BCAN: variants seen among roughly 807,000 people sequenced by gnomAD.
The protein encoded by BCAN is brevican.
BCAN carries 51 observed loss-of-function variants against 92.4 expected under a neutral mutation model. The observed-to-expected ratio is 0.55, with a 90% CI of 0.44 to 0.70. The LOEUF (loss-of-function observed/expected upper bound fraction) is 0.70, where lower values mean the gene tolerates loss of function less well. Among genes scored for constraint, BCAN ranks in the 30% least tolerant of loss-of-function variants. BCAN has a pLI of 0.00. For synonymous variants in BCAN, 501 were observed against 505.2 expected, an observed-to-expected ratio of 0.99 and a Z score of 0.11; for missense variants, 1,140 against 1,212.1, an observed-to-expected ratio of 0.94 and a Z score of 0.88.
intron 9 of BCAN, 70 bp from the exon 10 acceptor site, chr1:156,656,868 C>G (rs1319631903): frequency 6.4e-7 from 1 of 1,568,704 alleles, no homozygotes; most frequent in African/African-American, 1.4e-5. Flanking sequence ...TGGAAGGAGA[C>G]CAGCCCCTTC....
At chr1:156,649,768 G>A in intron 6 of BCAN, 1 of 432,086 alleles carries the variant, frequency 2.3e-6, no homozygotes, top group Non-Finnish European at 4.6e-6. Flanking sequence ...GATGCAAAAG[G>A]CCCAGGCCAA....
rs151184855 is a variant in BCAN, at chr1:156,652,703, A to G, written c.1753A>G (p.Thr585Ala). The G allele has an allele frequency of 9.7e-5, 156 of 1,606,688 alleles. No individual in the cohort carries two copies. The Middle Eastern group carries it at 1.5e-3, about 15-fold the overall frequency. The stretch of plus-strand genomic sequence containing the variant: ...GGTCCCTCGAGGAGAGAGCGAGGAG[A>G]CAGGAAGCTCCGAGGGTGCCCCTTC... Reference protein sequence around the residue: ...SGVPRGESEETGSSEGAPSLL... With the variant: ...SGVPRGESEEAGSSEGAPSLL... The change falls in exon 8 of 14, where the codon ACA becomes GCA. Residue 585 changes from threonine (T) to alanine (A), a missense_variant. By Grantham distance (58) the Thr-to-Ala change is moderately conservative. This residue lies in a region of BCAN where 825 missense variants were observed against 871.8 expected (regional missense o/e 0.95). Transcript: ENST00000329117.
intron 8 of BCAN, among the ~76,000 whole-genome samples, chr1:156,654,307 C>A (rs1447896011): frequency 6.6e-6 from 1 of 152,116 alleles, no homozygotes. Context: ...CATCCTGAGT[C>A]CCACCCAGGC....
At chr1:156,651,348 C>A in intron 6 of BCAN, 108 bp from the exon 7 acceptor site, 2 of 1,068,090 alleles carry the variant, frequency 1.9e-6, no homozygotes, top group African/African-American at 1.6e-5. Flanking sequence ...AGTAGGTGCT[C>A]CACAGGGAAG....
At chr1:156,646,761 T>TG (rs1557985892) in intron 2 of BCAN, 40 bp from the exon 3 acceptor site, 2 of 1,505,758 alleles carry the variant, frequency 1.3e-6, no homozygotes, top group South Asian at 2.7e-5. Context: ...ACTCTGAGGG[T>TG]CGACAGCGTT....
At chr1:156,646,295 G>A in intron 2 of BCAN, 150 bp downstream of exon 2, 1 of 745,680 alleles carries the variant, frequency 1.3e-6, no homozygotes, top group Non-Finnish European at 2.1e-6. Flanking sequence ...TGAGCTGTGA[G>A]CATCTGGTGG....
At chr1:156,646,601 C>A in intron 2 of BCAN, 200 bp from the exon 3 acceptor site, 1 of 859,440 alleles carries the variant, frequency 1.2e-6, no homozygotes, top group Non-Finnish European at 1.7e-6. Flanking sequence ...GGGGATGGGT[C>A]TGGAGACCGT....
rs146863260 is a variant in BCAN at position 156,651,460 on chromosome 1, G to A, written c.1068G>A (p.Ser356=). The A allele has an allele frequency of 8.6e-4, 1,395 of 1,613,210 alleles. 10 individuals are homozygous for A. In the African/African-American group the frequency reaches 0.017, roughly 19 times the overall value. The part of the protein sequence containing the change: ...SRFNVYCFRD[S]AQPSAIPEAS... ...AATACTTTCCTCCTGCCACAGACTC[G>A]GCCCAGCCTTCTGCCATCCCTGAGG... The change falls in exon 7 of 14, where the codon TCG becomes TCA. Residue 356 remains serine (S), a synonymous_variant. Transcript: ENST00000329117.
intron 7 of BCAN, among the ~76,000 whole-genome samples, 157 bp downstream of exon 7, chr1:156,651,846 C>T (rs1261621006): frequency 1.3e-5 from 2 of 152,186 alleles, no homozygotes; most frequent in South Asian, 2.1e-4. Flanking sequence ...GTCCCTCTCC[C>T]AACCTTTGCT....
Position 156,652,329 on chromosome 1 carries a change from A to G in BCAN, c.1379A>G (p.Glu460Gly). The change falls in exon 8 of 14, where the codon GAA (glutamate) becomes GGA (glycine). Residue 460 changes from glutamate to glycine, a missense_variant. Physicochemically the swap from Glu to Gly is moderately conservative, Grantham distance 98 (BLOSUM62 -2). This residue lies in a region of BCAN where 825 missense variants were observed against 871.8 expected (regional missense o/e 0.95). Transcript: ENST00000329117. ...GKALEEEEKY[E>G]DEEEKEEEEE... The stretch of plus-strand genomic sequence containing the variant: ...GCATTGGAGGAAGAAGAGAAATATG[A>G]AGATGAAGAAGAGAAAGAGGAGGAA... 1.2e-6 allele frequency: 2 copies of G among 1,613,996 alleles called. No homozygotes were observed. The highest frequency in any genetic ancestry group is 1.7e-6 in the Non-Finnish European group (2 of 1,179,892).
At chr1:156,656,820 C>A (rs1679346096) in intron 9 of BCAN, 118 bp from the exon 10 acceptor site, 1 of 1,397,822 alleles carries the variant, frequency 7.2e-7, no homozygotes, top group Admixed American at 2.3e-5. Context: ...CACCGCCCTC[C>A]TGTCCCCCTT....
intron 10 of BCAN, 145 bp from the exon 11 acceptor site, chr1:156,657,530 A>G (rs529460906): frequency 1.7e-4 from 104 of 618,318 alleles, no homozygotes; most frequent in Admixed American, 3.0e-4. Context: ...GCCCTTGAGC[A>G]GAGGCTGGGG....
chr1:156,657,506 C>G, intron 10 of BCAN, 169 bp from the exon 11 acceptor site: 1 of 578,870 alleles, frequency 1.7e-6, no homozygotes, highest in Non-Finnish European at 3.0e-6. Context: ...CCCCATTCCC[C>G]TGCTTTCCAT....
At chr1:156,646,661 T>C (rs976901538) in intron 2 of BCAN, 140 bp from the exon 3 acceptor site, 6 of 1,370,982 alleles carry the variant, frequency 4.4e-6, no homozygotes, top group African/African-American at 1.5e-5. Flanking sequence ...CCCTGGCCCC[T>C]GGCCCCTGGC....
chr1:156,647,992 C>G lies in BCAN; in HGVS notation c.651C>G (p.Ile217Met). The change falls in exon 5 of 14, where the codon ATC becomes ATG. Residue 217 changes from isoleucine (I) to methionine (M), a missense_variant. Transcript: ENST00000329117. The surrounding 1 kb of genome is among the most constrained non-coding windows in gnomAD (Gnocchi z 4.8). ...WLSDQTVRYP[I>M]QTPREACYGD... is the part of the protein sequence containing the mutation. ...TGTCCTTCCTCCCTAGGTATCCCAT[C>G]CAGACCCCACGAGAGGCCTGTTACG... 1 of 1,613,856 alleles carries G rather than the reference C, an allele frequency of 6.2e-7. No individual in the cohort carries two copies. Among genetic ancestry groups the G allele is most frequent in the Non-Finnish European group, 8.5e-7 (1 of 1,179,778 alleles).
At chr1:156,649,709 C>T (rs1679099142) in intron 6 of BCAN, among the ~76,000 whole-genome samples, 1 of 152,148 alleles carries the variant, frequency 6.6e-6, no homozygotes, top group Admixed American at 6.5e-5. Flanking sequence ...CAAACCTGCC[C>T]ATATCTTATG....
In BCAN at chr1:156,648,776, G is replaced by T; in HGVS notation, c.978G>T (p.Leu326Phe). The change falls in exon 6 of 14, where the codon TTG (leucine) becomes TTT (phenylalanine). Residue 326 changes from leucine (L) to phenylalanine (F), a missense_variant. Physicochemically the swap from Leu to Phe is conservative, Grantham distance 22 (BLOSUM62 0). Coordinates refer to ENST00000329117, the MANE Select transcript of BCAN (RefSeq NM_021948.5). ...CCAGCCAGCGCTGTGGTGGGGGCTTGCCTGGTGTCAAGACTCTCTTCCTCT... is the reference window on the plus strand; with the variant it reads ...CCAGCCAGCGCTGTGGTGGGGGCTTTCCTGGTGTCAAGACTCTCTTCCTCT... ...VTPSQRCGGG[L>F]PGVKTLFLFP... The T allele has an allele frequency of 5.0e-6, 8 of 1,608,650 alleles. No individual in the cohort carries two copies. Among genetic ancestry groups the T allele is most frequent in the Non-Finnish European group, 6.8e-6 (8 of 1,175,548 alleles).
chr1:156,645,476 G>T (rs748087870), intron 1 of BCAN, among the ~76,000 whole-genome samples: 1 of 152,144 alleles, frequency 6.6e-6, no homozygotes, highest in Non-Finnish European at 1.5e-5. Context: ...GCTTACTTGC[G>T]TTCGGTCTAG....
At chr1:156,656,824 C>A in intron 9 of BCAN, 114 bp from the exon 10 acceptor site, 1 of 1,413,112 alleles carries the variant, frequency 7.1e-7, no homozygotes, top group Non-Finnish European at 9.6e-7. Flanking sequence ...GCCCTCCTGT[C>A]CCCCTTAGTC....
Sources: gnomAD v4.1 joint callset for allele counts (sites outside exome capture counted in the v4.1 genomes callset) on GRCh38, gnomAD v4.1.1 for gene constraint, gnomAD v4.1.1 regional missense constraint, Gnocchi (gnomAD v3.1) non-coding constraint, MANE v1.5 for transcripts, NCBI Gene and HGNC (gene_info 2026-07-23, HGNC 2026-07-21) for gene names.